Variants in MAPKAP1 observed in about 807,000 individuals in gnomAD.
MAPKAP1 encodes target of rapamycin complex 2 subunit MAPKAP1.
Under a neutral mutation model 65.7 loss-of-function variants are expected in MAPKAP1, and 20 were observed. The observed-to-expected ratio is 0.30, with a 90% confidence interval of 0.21 to 0.44. The LOEUF is 0.44. Ranked by LOEUF, MAPKAP1 falls within the 20% of genes least tolerant of loss-of-function variation. The pLI is 1.00. For synonymous variants in MAPKAP1, 222 were observed against 244.3 expected, an observed-to-expected ratio of 0.91 and a Z score of 0.85; for missense variants, 423 against 648.0, an observed-to-expected ratio of 0.65 and a Z score of 3.77.
chr9:125,520,700 T>G (rs973226839), intron 7 of MAPKAP1, among the ~76,000 whole-genome samples: 1 of 152,172 alleles, frequency 6.6e-6, no homozygotes, highest in African/African-American at 2.4e-5. Context: ...GTATGTTTAG[T>G]GATTATCTGG....
At chr9:125,631,161 C>T (rs1312192242) in intron 4 of MAPKAP1, among the ~76,000 whole-genome samples, 3 of 152,046 alleles carry the variant, frequency 2.0e-5, no homozygotes, top group Non-Finnish European at 2.9e-5. Context: ...GTGATCTCTG[C>T]ATTCCCCAGC....
chr9:125,448,546 C>T (rs1233501691), intron 10 of MAPKAP1, among the ~76,000 whole-genome samples: 1 of 152,202 alleles, frequency 6.6e-6, no homozygotes, highest in Non-Finnish European at 1.5e-5. Context: ...CAATGACCTC[C>T]TCAGCTGCAG....
chr9:125,659,839 T>C (rs1463548926), intron 3 of MAPKAP1, among the ~76,000 whole-genome samples: 1 of 152,064 alleles, frequency 6.6e-6, no homozygotes, highest in African/African-American at 2.4e-5. Context: ...TTCCATTCAA[T>C]CAAATCCACT....
intron 1 of MAPKAP1, among the ~76,000 whole-genome samples, chr9:125,702,144 C>T (rs1835617143): frequency 6.6e-6 from 1 of 152,178 alleles, no homozygotes; most frequent in African/African-American, 2.4e-5. Context: ...CACCTGTAAT[C>T]CCAACAATTT....
intron 1 of MAPKAP1, among the ~76,000 whole-genome samples, chr9:125,696,577 A>G (rs1011606368): frequency 6.6e-6 from 1 of 152,164 alleles, no homozygotes; most frequent in Admixed American, 6.5e-5. Context: ...AACATAGGCA[A>G]AACTTGAGAT....
At chr9:125,574,756 G>A (rs545637404) in intron 5 of MAPKAP1, among the ~76,000 whole-genome samples, 4 of 152,170 alleles carry the variant, frequency 2.6e-5, no homozygotes, top group East Asian at 1.9e-4. Context: ...AGCTGGCTGC[G>A]GTTACAGTAG....
chr9:125,627,951 A>G (rs2131677566), intron 4 of MAPKAP1, among the ~76,000 whole-genome samples: 1 of 152,300 alleles, frequency 6.6e-6, no homozygotes, highest in South Asian at 2.1e-4. Context: ...GCCTTGTACC[A>G]TTTTATAATT....
intron 7 of MAPKAP1, among the ~76,000 whole-genome samples, chr9:125,538,891 A>G (rs1234869953): frequency 4.6e-5 from 7 of 152,208 alleles, no homozygotes; most frequent in Non-Finnish European, 4.4e-5. Context: ...TACATTTTAC[A>G]TGAAATTTTT....
intron 1 of MAPKAP1, among the ~76,000 whole-genome samples, chr9:125,706,382 A>G (rs1018627004): frequency 2.0e-5 from 3 of 152,010 alleles, no homozygotes; most frequent in Non-Finnish European, 4.4e-5. Context: ...AGTGACTTTC[A>G]TTCATTCAAA....
At chr9:125,585,501 T>C (rs1349270300) in intron 5 of MAPKAP1, 54 bp downstream of exon 5, 21 of 1,583,220 alleles carry the variant, frequency 1.3e-5, no homozygotes, top group Middle Eastern at 1.7e-4. Context: ...GAAGACACCT[T>C]GGGTGGCCAA....
intron 7 of MAPKAP1, among the ~76,000 whole-genome samples, chr9:125,519,368 G>T (rs2133111640): frequency 6.6e-6 from 1 of 152,230 alleles, no homozygotes; most frequent in Non-Finnish European, 1.5e-5. Context: ...GGGTGCGGTT[G>T]CTCGTGCCTG....
At chr9:125,543,014 G>T in intron 7 of MAPKAP1, 45 bp downstream of exon 7, 2 of 1,281,802 alleles carry the variant, frequency 1.6e-6, no homozygotes, top group South Asian at 1.2e-5. Flanking sequence ...CTTTTAATAA[G>T]GGTTAAGCTT....
rs187294358 is a variant in MAPKAP1 at position 125,589,964 on chromosome 9, G to T, written c.499-4237C>A. ...ACTTCACTAAATAACAAGTGTTTTG[G>T]CCTTGTCGGGCAGGCAAAGGGTTAC... is the stretch of plus-strand genomic sequence containing the variant. On this transcript the variant is annotated intron_variant, in intron 4 of 11. Transcript: ENST00000265960. Among the ~76,000 whole-genome samples, 196 of 152,314 alleles carry T rather than the reference G, an allele frequency of 1.3e-3. 5 individuals carry two copies. The highest frequency in any genetic ancestry group is 0.012 in the Admixed American group (179 of 15,304).
chr9:125,634,093 C>T (rs991881661), intron 4 of MAPKAP1, among the ~76,000 whole-genome samples: 2 of 152,210 alleles, frequency 1.3e-5, no homozygotes, highest in Admixed American at 6.5e-5. Context: ...CTATTTGACA[C>T]GCCTTAGCCC....
chr9:125,545,147 C>T (rs182641214), intron 6 of MAPKAP1, among the ~76,000 whole-genome samples: 3 of 152,270 alleles, frequency 2.0e-5, no homozygotes, highest in Admixed American at 6.5e-5. Flanking sequence ...GCCTGAGTCC[C>T]GGCCATTCTT....
At chr9:125,623,190 G>A (rs1226638239) in intron 4 of MAPKAP1, among the ~76,000 whole-genome samples, 3 of 140,454 alleles carry the variant, frequency 2.1e-5, no homozygotes, top group Non-Finnish European at 3.1e-5. Flanking sequence ...CCAAAGTGCC[G>A]AGATTGCAGC....
chr9:125,651,111 C>G, intron 4 of MAPKAP1, among the ~76,000 whole-genome samples: 1 of 152,114 alleles, frequency 6.6e-6, no homozygotes, highest in Non-Finnish European at 1.5e-5. Flanking sequence ...GGGTTACAGG[C>G]ATGAGCCACT....
At chr9:125,693,849 A>ACACACACACC in intron 1 of MAPKAP1, among the ~76,000 whole-genome samples, 1 of 146,478 alleles carries the variant, frequency 6.8e-6, no homozygotes, top group Non-Finnish European at 1.5e-5. Context: ...ACACACATAC[A>ACACACACACC]CACACACACA....
chr9:125,523,044 A>C (rs558256628), intron 7 of MAPKAP1, among the ~76,000 whole-genome samples: 1 of 152,206 alleles, frequency 6.6e-6, no homozygotes, highest in Non-Finnish European at 1.5e-5. Flanking sequence ...TCCTTTCCCC[A>C]CAATAGGGAA....
Sources: allele counts gnomAD v4.1 joint callset (sites outside exome capture counted in the v4.1 genomes callset), GRCh38; gene constraint gnomAD v4.1.1; transcripts MANE v1.5; gene names NCBI Gene and HGNC (gene_info 2026-07-23, HGNC 2026-07-21).